Variants in SOX6 observed in about 807,000 individuals in gnomAD.
The protein encoded by SOX6 is transcription factor SOX-6.
A neutral mutation model predicts 97.8 loss-of-function variants in SOX6; 11 were observed. That is an observed-to-expected ratio of 0.11 (90% CI 0.07 to 0.19). The LOEUF (loss-of-function observed/expected upper bound fraction) is 0.19, where lower values mean the gene tolerates loss of function less well. Among genes scored for constraint, SOX6 ranks in the 10% least tolerant of loss-of-function variants. The pLI, the probability that SOX6 is intolerant of heterozygous loss-of-function variation, is 1.00. For missense variants in SOX6, 810 were observed against 1,039.5 expected, an observed-to-expected ratio of 0.78 and a Z score of 3.04; for synonymous variants, 360 against 371.4, an observed-to-expected ratio of 0.97 and a Z score of 0.35.
chr11:16,004,027 T>C (rs7938500), intron 13 of SOX6, among the ~76,000 whole-genome samples: 16,612 of 151,362 alleles, frequency 0.11, 1,938 homozygotes, highest in East Asian at 0.36. Flanking sequence ...CATATATATA[T>C]ACACACACAC....
intron 3 of SOX6, among the ~76,000 whole-genome samples, chr11:16,653,162 G>T (rs1847677558): frequency 6.6e-6 from 1 of 152,162 alleles, no homozygotes; most frequent in Non-Finnish European, 1.5e-5. Context: ...CTTACACACT[G>T]CTGGTGGGAA....
intron 3 of SOX6, among the ~76,000 whole-genome samples, chr11:16,646,828 A>T (rs917836000): frequency 6.6e-6 from 1 of 152,192 alleles, no homozygotes; most frequent in Non-Finnish European, 1.5e-5. Context: ...GCAATTGCCA[A>T]TCATGCTGCT....
chr11:16,567,561 CT>C (rs59320140), intron 4 of SOX6, among the ~76,000 whole-genome samples: 5,633 of 87,382 alleles, frequency 0.064, 31 homozygotes, highest in Non-Finnish European at 0.074. Flanking sequence ...ATATTTTTTT[CT>C]TTTTTTTTTT....
At chr11:16,173,612 G>GT (rs78251260) in intron 6 of SOX6, among the ~76,000 whole-genome samples, 70,820 of 145,912 alleles carry the variant, frequency 0.49, 17,387 homozygotes, top group Middle Eastern at 0.65. Flanking sequence ...AAAAGTGTTT[G>GT]TTTTTTTTAA....
At chr11:16,403,390 G>A (rs1858609951) in intron 1 of SOX6, among the ~76,000 whole-genome samples, 1 of 151,626 alleles carries the variant, frequency 6.6e-6, no homozygotes, top group African/African-American at 2.4e-5. Flanking sequence ...TGGTCTGTGC[G>A]GCCATACCGG....
At chr11:16,120,561 C>CATATAT (rs71455877) in intron 6 of SOX6, among the ~76,000 whole-genome samples, 2,298 of 145,058 alleles carry the variant, frequency 0.016, 41 homozygotes, top group African/African-American at 0.05. Context: ...GCTAACTTCA[C>CATATAT]ATATATATAT....
intron 1 of SOX6, among the ~76,000 whole-genome samples, chr11:16,363,164 T>C (rs1230210019): frequency 3.3e-5 from 5 of 152,166 alleles, no homozygotes; most frequent in South Asian, 4.1e-4. Context: ...GATTCTTAAA[T>C]TGCAAACATC....
chr11:16,082,710 G>A (rs1848497414), intron 9 of SOX6, among the ~76,000 whole-genome samples: 1 of 152,098 alleles, frequency 6.6e-6, no homozygotes, highest in East Asian at 1.9e-4. Context: ...AGTGTAATGG[G>A]AAATGTAAAC....
At chr11:16,345,681 C>T (rs565735020) in intron 1 of SOX6, among the ~76,000 whole-genome samples, 1 of 152,112 alleles carries the variant, frequency 6.6e-6, no homozygotes, top group Non-Finnish European at 1.5e-5. Context: ...TGGATATGTG[C>T]ACATTAAGTC....
intron 1 of SOX6, among the ~76,000 whole-genome samples, chr11:16,425,364 T>C (rs1859103562): frequency 6.6e-6 from 1 of 152,232 alleles, no homozygotes; most frequent in African/African-American, 2.4e-5. Flanking sequence ...TGCTAGGCAC[T>C]GTTCTAGTTG....
At chr11:16,361,744 G>C (rs1857216796) in intron 1 of SOX6, among the ~76,000 whole-genome samples, 1 of 152,098 alleles carries the variant, frequency 6.6e-6, no homozygotes, top group Non-Finnish European at 1.5e-5. Flanking sequence ...GATGAAGATA[G>C]CAAGGAAAAA....
intron 9 of SOX6, among the ~76,000 whole-genome samples, chr11:16,065,774 CT>C (rs1373351568): frequency 6.6e-6 from 1 of 152,078 alleles, no homozygotes; most frequent in Non-Finnish European, 1.5e-5. Context: ...GAATTAAAAA[CT>C]TAATTCTTAG....
intron 6 of SOX6, among the ~76,000 whole-genome samples, chr11:16,132,370 G>A (rs1218015705): frequency 1.2e-5 from 1 of 83,842 alleles, no homozygotes; most frequent in South Asian, 4.1e-4. Context: ...AAGAAAGAAA[G>A]AAAGAAAGAA....
intron 4 of SOX6, among the ~76,000 whole-genome samples, chr11:16,524,239 G>T (rs565388813): frequency 1.7e-4 from 26 of 151,844 alleles, no homozygotes; most frequent in Middle Eastern, 3.4e-3. Context: ...ATAAAATACT[G>T]GCAAACCGAA....
intron 1 of SOX6, among the ~76,000 whole-genome samples, chr11:16,404,485 A>C (rs2134446817): frequency 1.3e-5 from 2 of 152,060 alleles, no homozygotes; most frequent in South Asian, 4.1e-4. Flanking sequence ...TAAGCACCTA[A>C]ATTCTTAACA....
At chr11:16,657,609 C>G (rs1471199466) in intron 3 of SOX6, among the ~76,000 whole-genome samples, 1 of 152,196 alleles carries the variant, frequency 6.6e-6, no homozygotes, top group Non-Finnish European at 1.5e-5. Context: ...CAGCATCTGG[C>G]ATTGTCAAGG....
chr11:16,412,651 T>C (rs563268041), intron 1 of SOX6, among the ~76,000 whole-genome samples: 1 of 152,146 alleles, frequency 6.6e-6, no homozygotes, highest in South Asian at 2.1e-4. Context: ...AAAAAATAAT[T>C]TATTGGTTCA....
intron 1 of SOX6, among the ~76,000 whole-genome samples, chr11:16,393,979 A>G (rs910910473): frequency 6.6e-6 from 1 of 151,940 alleles, no homozygotes; most frequent in African/African-American, 2.4e-5. Context: ...TTAAAAAGGA[A>G]AAACAAGGTT....
At chr11:16,498,102 G>A (rs145679751) in intron 4 of SOX6, among the ~76,000 whole-genome samples, 1 of 152,174 alleles carries the variant, frequency 6.6e-6, no homozygotes, top group Non-Finnish European at 1.5e-5. Context: ...AAGCCCATCA[G>A]ACTAACAGCT....
Sources: allele counts gnomAD v4.1 joint callset (sites outside exome capture counted in the v4.1 genomes callset), GRCh38; gene constraint gnomAD v4.1.1; transcripts MANE v1.5; gene names NCBI Gene and HGNC (gene_info 2026-07-23, HGNC 2026-07-21).